The following PLEKHG1 variants were observed in gnomAD, a reference collection of about 807,000 sequenced individuals.
PLEKHG1 encodes the protein pleckstrin homology domain-containing family G member 1.
PLEKHG1 carries 44 observed loss-of-function variants against 100.8 expected under a neutral mutation model. That is an observed-to-expected ratio of 0.44 (90% CI 0.34 to 0.56). The LOEUF (loss-of-function observed/expected upper bound fraction) is 0.56. Among genes scored for constraint, PLEKHG1 ranks in the 20% least tolerant of loss-of-function variants. The pLI, the probability that PLEKHG1 is intolerant of heterozygous loss-of-function variation, is 0.01. For synonymous variants in PLEKHG1, 640 were observed against 662.5 expected (o/e 0.97, Z 0.52); for missense variants, 1,545 against 1,720.9 (o/e 0.90, Z 1.81).
chr6:150,797,933 C>T, intron 5 of PLEKHG1, among the ~76,000 whole-genome samples: 1 of 149,462 alleles, frequency 6.7e-6, no homozygotes, highest in East Asian at 2.0e-4. Context: ...CCTTGGAGGA[C>T]CCCTGCTTTC....
rs1784559296 is a variant in PLEKHG1, at chr6:150,768,624, C to T, written c.412-14C>T. The T allele has an allele frequency of 6.7e-7, 1 of 1,481,814 alleles. No homozygotes were observed. The highest frequency in any genetic ancestry group is 1.1e-5 in the South Asian group (1 of 88,294). The allele number at this position is 1,481,814 out of a possible 1,614,324, so 91.8% of individuals were successfully genotyped here. A position where few individuals can be genotyped will look rare whatever the true frequency, so the allele number is the denominator to read the frequency against. ...ACAGGAGTGTTTAAGGCATCCTTCT[C>T]ATTGATCTCACAGGATTACCTTGAC... On this transcript the variant is annotated splice_polypyrimidine_tract_variant and intron_variant, in intron 2 of 15. Transcript: ENST00000358517.
chr6:150,705,983 T>C (rs1265260403), intron 3 of PLEKHG1, among the ~76,000 whole-genome samples: 1 of 152,208 alleles, frequency 6.6e-6, no homozygotes, highest in East Asian at 1.9e-4. Context: ...TCCAAGTTAT[T>C]CCTCTTTTTT....
At chr6:150,631,717 C>T (rs1195362519) in intron 1 of PLEKHG1, among the ~76,000 whole-genome samples, 1 of 152,190 alleles carries the variant, frequency 6.6e-6, no homozygotes, top group African/African-American at 2.4e-5. Context: ...GGCAACCGCT[C>T]CCCACCTACA....
At chr6:150,782,271 A>T (rs1731456247) in intron 3 of PLEKHG1, among the ~76,000 whole-genome samples, 1 of 152,050 alleles carries the variant, frequency 6.6e-6, no homozygotes, top group African/African-American at 2.4e-5. Flanking sequence ...TAGAAAAGTT[A>T]GCTGGGCATG....
At chr6:150,820,787 C>A (rs894974581) in intron 12 of PLEKHG1, among the ~76,000 whole-genome samples, 3 of 152,086 alleles carry the variant, frequency 2.0e-5, no homozygotes, top group Non-Finnish European at 4.4e-5. Context: ...ATTACTTGAA[C>A]CTGGGAAGCA....
chr6:150,779,266 A>G (rs1378883744), intron 3 of PLEKHG1, among the ~76,000 whole-genome samples: 1 of 151,678 alleles, frequency 6.6e-6, no homozygotes, highest in East Asian at 1.9e-4. Flanking sequence ...CAGGAAGTCC[A>G]CTCGTGAGAT....
In PLEKHG1 at chr6:150,683,785, G is replaced by A. The variant is rs545988805; in HGVS notation, c.-99+32999G>A. 4.6e-4 allele frequency: 591 copies of A among 1,288,522 alleles called. 3 individuals carry two copies. In the African/African-American group the frequency reaches 7.6e-3, roughly 17 times the overall value. 79.8% of individuals were successfully genotyped at this position (1,288,522 alleles called of 1,614,324 possible). ...AAGATGGAGCCATTCTTGGTGGGGC[G>A]GAAGAGGCAGGAAACTGCTGCCTGG... On this transcript the variant is annotated intron_variant, in intron 3 of 3. Transcript: ENST00000367326. The surrounding 1 kb of genome is among the most constrained non-coding windows in gnomAD (Gnocchi z 4.0).
At chr6:150,646,087 A>G (rs912986830) in intron 2 of PLEKHG1, among the ~76,000 whole-genome samples, 2 of 152,244 alleles carry the variant, frequency 1.3e-5, no homozygotes, top group African/African-American at 4.8e-5. Flanking sequence ...ACACGGGTAT[A>G]TCTCACACAA....
intron 10 of PLEKHG1, among the ~76,000 whole-genome samples, chr6:150,814,583 G>C (rs1368653606): frequency 6.6e-6 from 1 of 152,118 alleles, no homozygotes; most frequent in Non-Finnish European, 1.5e-5. Flanking sequence ...AAAAACAGAG[G>C]CTGAGAGACA....
intron 6 of PLEKHG1, among the ~76,000 whole-genome samples, chr6:150,801,422 T>TTTTTC (rs1447875195): frequency 2.1e-5 from 3 of 143,938 alleles, no homozygotes; most frequent in Non-Finnish European, 4.5e-5. Context: ...CTTAAATTCT[T>TTTTTC]TTTTCTTTTC....
intron 2 of PLEKHG1, among the ~76,000 whole-genome samples, chr6:150,647,716 A>G (rs1284440168): frequency 6.6e-6 from 1 of 152,152 alleles, no homozygotes. Flanking sequence ...TTTGACGTAA[A>G]ATTCTAATTG....
intron 3 of PLEKHG1, among the ~76,000 whole-genome samples, chr6:150,655,576 C>T (rs1331061201): frequency 4.0e-5 from 6 of 151,766 alleles, no homozygotes; most frequent in African/African-American, 1.2e-4. Context: ...GCCATGGTGG[C>T]GGGCGCCTGT....
At chr6:150,611,917 A>C (rs1282043174) in intron 1 of PLEKHG1, among the ~76,000 whole-genome samples, 1 of 152,194 alleles carries the variant, frequency 6.6e-6, no homozygotes, top group Admixed American at 6.5e-5. Context: ...AAATAAGTCA[A>C]GAGAAAAACT....
intron 4 of PLEKHG1, among the ~76,000 whole-genome samples, chr6:150,794,854 T>C (rs1786222347): frequency 1.3e-5 from 2 of 152,034 alleles, no homozygotes; most frequent in African/African-American, 4.8e-5. Flanking sequence ...TCTACTTTTA[T>C]ATATGCTTGA....
chr6:150,607,666 G>A (rs1246012241), intron 1 of PLEKHG1, among the ~76,000 whole-genome samples: 1 of 152,204 alleles, frequency 6.6e-6, no homozygotes, highest in Non-Finnish European at 1.5e-5. Flanking sequence ...TGATATTAGA[G>A]GAGATGCAGC....
At chr6:150,779,810 C>CA (rs1379090332) in intron 3 of PLEKHG1, among the ~76,000 whole-genome samples, 2 of 151,468 alleles carry the variant, frequency 1.3e-5, no homozygotes, top group Non-Finnish European at 2.9e-5. Context: ...ACTAAAAATA[C>CA]AAAAAATTAG....
chr6:150,804,155 T>TATATATATATATATA (rs1554276213), intron 6 of PLEKHG1, among the ~76,000 whole-genome samples: 16 of 30,274 alleles, frequency 5.3e-4, no homozygotes, highest in African/African-American at 2.1e-3. Flanking sequence ...TGTAAATATT[T>TATATATATATATATA]TATATATATA....
At chr6:150,648,432 G>C (rs1778586097) in intron 2 of PLEKHG1, among the ~76,000 whole-genome samples, 1 of 152,126 alleles carries the variant, frequency 6.6e-6, no homozygotes, top group East Asian at 1.9e-4. Flanking sequence ...CCATATGTAG[G>C]TGCTGAGTTT....
Position 150,773,561 on chromosome 6 carries a change from T to G in PLEKHG1, c.512+4823T>G, listed in dbSNP as rs74295839. On this transcript the variant is annotated intron_variant, in intron 3 of 15. Coordinates refer to ENST00000358517, the Ensembl canonical transcript of PLEKHG1. Reference sequence around the variant, plus strand: ...AAAATAAAAATAAAAATAACAAGACTTACACGGATGTGTGGGTCTGTGTTC... The same window carrying G: ...AAAATAAAAATAAAAATAACAAGACGTACACGGATGTGTGGGTCTGTGTTC... Among the ~76,000 whole-genome samples the G allele has an allele frequency of 2.5e-3, 379 of 152,290 alleles. 13 individuals carry two copies. In the East Asian group the frequency reaches 0.058, roughly 23 times the overall value.
Sources: allele counts gnomAD v4.1 joint callset (sites outside exome capture counted in the v4.1 genomes callset), GRCh38; gene constraint gnomAD v4.1.1; non-coding constraint Gnocchi (gnomAD v3.1); transcripts MANE v1.5; gene names NCBI Gene and HGNC (gene_info 2026-07-23, HGNC 2026-07-21).